Variants in KCNIP4 observed in about 807,000 individuals in gnomAD.
KCNIP4 encodes the protein potassium voltage-gated channel interacting protein 4, also known as Kv channel-interacting protein 4.
In KCNIP4, 12 loss-of-function variants were observed where a neutral mutation model predicts 34.0. That is an observed-to-expected ratio of 0.35 (90% CI 0.23 to 0.57). The LOEUF is 0.57. Among genes scored for constraint, KCNIP4 ranks in the 20% least tolerant of loss-of-function variants. KCNIP4 has a pLI of 0.83. For missense variants in KCNIP4, 238 were observed against 311.7 expected (o/e 0.76, Z 1.78); for synonymous variants, 124 against 102.2 (o/e 1.21, Z -1.29).
chr4:21,940,981 G>A (rs1198739948), intron 1 of KCNIP4, among the ~76,000 whole-genome samples: 5 of 152,006 alleles, frequency 3.3e-5, no homozygotes, highest in African/African-American at 2.4e-5. Context: ...TTTTATTCAT[G>A]GAGTGAATTA....
At chr4:21,633,246 T>C (rs116607887) in intron 1 of KCNIP4, among the ~76,000 whole-genome samples, 135 of 152,264 alleles carry the variant, frequency 8.9e-4, no homozygotes, top group African/African-American at 3.2e-3. Context: ...AAGTGAGGTA[T>C]AGTGGAGACT....
chr4:21,304,206 TC>T (rs1251994113), intron 1 of KCNIP4, among the ~76,000 whole-genome samples: 2 of 152,024 alleles, frequency 1.3e-5, no homozygotes, highest in African/African-American at 4.8e-5. Context: ...AATGCATTCA[TC>T]CTGTCTGCTG....
intron 1 of KCNIP4, among the ~76,000 whole-genome samples, chr4:20,993,759 C>G (rs1328776078): frequency 6.6e-6 from 1 of 152,190 alleles, no homozygotes; most frequent in Non-Finnish European, 1.5e-5. Flanking sequence ...TTACCACAAG[C>G]CTGGTGGCTA....
intron 1 of KCNIP4, among the ~76,000 whole-genome samples, chr4:21,912,139 C>T (rs956562260): frequency 3.3e-5 from 5 of 151,680 alleles, no homozygotes; most frequent in African/African-American, 1.2e-4. Context: ...CTGTAATGAA[C>T]ACTTATCAAA....
At chr4:21,652,591 T>C (rs1256625352) in intron 1 of KCNIP4, among the ~76,000 whole-genome samples, 1 of 152,102 alleles carries the variant, frequency 6.6e-6, no homozygotes, top group Non-Finnish European at 1.5e-5. Context: ...ATAAGGAAAA[T>C]AAATTTTCCT....
chr4:21,473,706 C>T (rs2109812017), intron 1 of KCNIP4, among the ~76,000 whole-genome samples: 1 of 149,400 alleles, frequency 6.7e-6, no homozygotes, highest in Admixed American at 6.7e-5. Context: ...ACACAGAAGA[C>T]TGAGAATTCT....
At chr4:21,905,624 G>C (rs898573396) in intron 1 of KCNIP4, among the ~76,000 whole-genome samples, 1 of 152,014 alleles carries the variant, frequency 6.6e-6, no homozygotes, top group African/African-American at 2.4e-5. Context: ...ACCAAACACC[G>C]GATGTTCTCA....
At chr4:21,015,681 A>ATTAATATAATATAATATAGTATG (rs1739457908) in intron 1 of KCNIP4, among the ~76,000 whole-genome samples, 1 of 75,974 alleles carries the variant, frequency 1.3e-5, no homozygotes, top group Non-Finnish European at 2.4e-5. Flanking sequence ...AATATAGTAT[A>ATTAATATAATATAATATAGTATG]TTGCATTAAT....
chr4:21,498,920 C>A (rs1733071757), intron 1 of KCNIP4, among the ~76,000 whole-genome samples: 1 of 152,130 alleles, frequency 6.6e-6, no homozygotes, highest in Non-Finnish European at 1.5e-5. Context: ...GATGCAGAAG[C>A]AAACAGATAC....
intron 1 of KCNIP4, among the ~76,000 whole-genome samples, chr4:21,029,970 AT>A (rs1439216155): frequency 2.0e-5 from 3 of 152,194 alleles, no homozygotes; most frequent in Non-Finnish European, 4.4e-5. Flanking sequence ...AGTTCTCTTG[AT>A]AAAAACAAAA....
chr4:21,049,376 G>A (rs1742735607), intron 1 of KCNIP4, among the ~76,000 whole-genome samples: 1 of 152,186 alleles, frequency 6.6e-6, no homozygotes, highest in African/African-American at 2.4e-5. Context: ...AAGCCCGTAA[G>A]TTTTGGTGTG....
chr4:20,978,251 A>AAT (rs1172324118), intron 1 of KCNIP4, among the ~76,000 whole-genome samples: 1 of 152,098 alleles, frequency 6.6e-6, no homozygotes, highest in African/African-American at 2.4e-5. Context: ...TAACAGAAAA[A>AAT]ATATATATAT....
chr4:20,874,274 C>G (rs964280459), intron 2 of KCNIP4, among the ~76,000 whole-genome samples: 5 of 152,082 alleles, frequency 3.3e-5, no homozygotes, highest in Non-Finnish European at 7.4e-5. Context: ...TAGGCTAATC[C>G]CAGAGTTATC....
chr4:21,252,349 A>G (rs1184216631), intron 1 of KCNIP4, among the ~76,000 whole-genome samples: 1 of 151,974 alleles, frequency 6.6e-6, no homozygotes, highest in Non-Finnish European at 1.5e-5. Context: ...GATGGTCTCG[A>G]TCTCCTAACC....
intron 3 of KCNIP4, among the ~76,000 whole-genome samples, chr4:20,844,436 C>T (rs1235399081): frequency 2.6e-5 from 4 of 152,210 alleles, no homozygotes; most frequent in African/African-American, 7.2e-5. Context: ...ATTACCCACC[C>T]TCCTTCATGG....
At chr4:21,635,987 T>C (rs1387774921) in intron 1 of KCNIP4, among the ~76,000 whole-genome samples, 1 of 151,734 alleles carries the variant, frequency 6.6e-6, no homozygotes, top group Admixed American at 6.6e-5. Context: ...ATGTCCTTTG[T>C]AGGGACATGG....
chr4:21,386,024 C>T (rs985156557), intron 1 of KCNIP4, among the ~76,000 whole-genome samples: 1 of 152,124 alleles, frequency 6.6e-6, no homozygotes, highest in Non-Finnish European at 1.5e-5. Context: ...ACACTTGTCT[C>T]TTTCAAAGGC....
At chr4:21,177,885 A>ATATATATATATATATATGTAT (rs1560784838) in intron 1 of KCNIP4, among the ~76,000 whole-genome samples, 1 of 145,894 alleles carries the variant, frequency 6.9e-6, no homozygotes, top group African/African-American at 2.6e-5. Context: ...TATAAAATAT[A>ATATATATATATATATATGTAT]ACATTTAAAA....
intron 1 of KCNIP4, among the ~76,000 whole-genome samples, chr4:21,299,711 G>T (rs533897704): frequency 2.6e-5 from 4 of 152,046 alleles, no homozygotes; most frequent in Non-Finnish European, 4.4e-5. Context: ...CTGGCCCCTT[G>T]GTCCTTATTA....
Sources: gnomAD v4.1 joint callset for allele counts (sites outside exome capture counted in the v4.1 genomes callset) on GRCh38, gnomAD v4.1.1 for gene constraint, MANE v1.5 for transcripts, NCBI Gene and HGNC (gene_info 2026-07-23, HGNC 2026-07-21) for gene names.